The following LPAR3 variants were observed in gnomAD, a reference collection of about 807,000 sequenced individuals.
The protein encoded by LPAR3 is lysophosphatidic acid receptor 3, also known as LPA receptor 3.
A neutral mutation model predicts 17.8 loss-of-function variants in LPAR3; 7 were observed. That is an observed-to-expected ratio of 0.39 (90% confidence interval 0.22 to 0.74). The LOEUF is 0.74. LPAR3 is among the 30% of genes least tolerant of loss of function. The pLI is 0.40. For missense variants in LPAR3, 391 were observed against 453.4 expected (o/e 0.86, Z 1.25); for synonymous variants, 179 against 179.9 (o/e 0.99, Z 0.04).
intron 2 of LPAR3, among the ~76,000 whole-genome samples, chr1:84,830,541 CTT>C (rs143251036): frequency 0.016 from 2,471 of 152,298 alleles, 57 homozygotes; most frequent in African/African-American, 0.055. Context: ...CTCTTACACA[CTT>C]ATTGTCAAAT....
chr1:84,865,751 C>T lies in LPAR3; in HGVS notation c.370G>A (p.Ala124Thr), dbSNP rs762836142. Residue 124 changes from alanine to threonine, a missense_variant, in exon 2 of 3, where the codon GCC (alanine) becomes ACC (threonine). Ala to Thr is a moderately conservative substitution (Grantham distance 58). Transcript: ENST00000370611. ...TASLTNLLVI[A>T]VERHMSIMRM... ...ATGATTGACATGTGCCTCTCCACGG[C>T]GATAACCAGCAAGTTGGTGAGGGAA... 1.1e-5 allele frequency: 18 copies of T among 1,614,154 alleles called. No homozygotes were observed. The highest frequency in any genetic ancestry group is 1.6e-4 in the Middle Eastern group (1 of 6,062).
At chr1:84,858,109 C>T (rs1659862843) in intron 2 of LPAR3, among the ~76,000 whole-genome samples, 1 of 152,110 alleles carries the variant, frequency 6.6e-6, no homozygotes, top group Non-Finnish European at 1.5e-5. Context: ...TCAAAAAATG[C>T]TCATTTCTTT....
At chr1:84,830,556 G>T (rs1659263797) in intron 2 of LPAR3, among the ~76,000 whole-genome samples, 2 of 152,162 alleles carry the variant, frequency 1.3e-5, no homozygotes, top group Non-Finnish European at 1.5e-5. Context: ...TGTCAAATCA[G>T]ATACCATCAG....
rs1333669258 is a variant in LPAR3, at chr1:84,812,419, T to C, written c.*1427A>G. ...TACACATGTGTTCCCTGACATTCTC[T>C]AGTCTTTTTTTTTTTTTTTTTTTTT... On this transcript the variant is annotated 3_prime_UTR_variant, in exon 3 of 3. Coordinates refer to ENST00000370611, the MANE Select transcript of LPAR3 (RefSeq NM_012152.3). The C allele has an allele frequency of 1.4e-5, 2 of 141,548 alleles. No homozygotes were observed. The highest frequency in any genetic ancestry group is 5.3e-5 in the African/African-American group (2 of 38,034). 8.8% of individuals were successfully genotyped at this position (141,548 alleles called of 1,614,324 possible).
intron 1 of LPAR3, among the ~76,000 whole-genome samples, chr1:84,883,238 G>C (rs1162876072): frequency 2.0e-5 from 3 of 152,212 alleles, no homozygotes; most frequent in Non-Finnish European, 2.9e-5. Context: ...TTCCCAAAAG[G>C]CTGGGGAAAA....
At chr1:84,853,607 G>T (rs566798385) in intron 2 of LPAR3, among the ~76,000 whole-genome samples, 27 of 152,192 alleles carry the variant, frequency 1.8e-4, no homozygotes, top group African/African-American at 6.3e-4. Context: ...CTGCAGCCCC[G>T]ATGGGCCTTC....
chr1:84,883,247 A>G (rs572145761), intron 1 of LPAR3, among the ~76,000 whole-genome samples: 26 of 152,346 alleles, frequency 1.7e-4, no homozygotes, highest in Admixed American at 8.5e-4. Flanking sequence ...GGCTGGGGAA[A>G]AGGGACCCCA....
chr1:84,884,969 T>C (rs780012614), intron 1 of LPAR3, among the ~76,000 whole-genome samples: 3 of 152,192 alleles, frequency 2.0e-5, no homozygotes, highest in Non-Finnish European at 2.9e-5. Flanking sequence ...CTGTTCAGCA[T>C]ATGTACGTCA....
chr1:84,841,017 C>T (rs4265444), intron 2 of LPAR3, among the ~76,000 whole-genome samples: 1 of 152,216 alleles, frequency 6.6e-6, no homozygotes, highest in African/African-American at 2.4e-5. Flanking sequence ...ATCCTCATGT[C>T]TACAACATAT....
chr1:84,854,214 C>T, intron 2 of LPAR3, among the ~76,000 whole-genome samples: 1 of 152,140 alleles, frequency 6.6e-6, no homozygotes, highest in East Asian at 1.9e-4. Flanking sequence ...GGCATGGCCT[C>T]CCTAGACATA....
intron 1 of LPAR3, among the ~76,000 whole-genome samples, chr1:84,871,567 A>AGACCAGT (rs1388341371): frequency 3.7e-4 from 57 of 152,314 alleles, no homozygotes; most frequent in African/African-American, 1.3e-3. Flanking sequence ...TCACAAATGT[A>AGACCAGT]GACCAGTCCT....
At chr1:84,852,514 G>A (rs931202324) in intron 2 of LPAR3, among the ~76,000 whole-genome samples, 2 of 152,168 alleles carry the variant, frequency 1.3e-5, no homozygotes, top group African/African-American at 2.4e-5. Flanking sequence ...GGTAGAGCAG[G>A]TCTGCAGGGC....
At chr1:84,868,431 C>T (rs913154360) in intron 1 of LPAR3, among the ~76,000 whole-genome samples, 1 of 152,148 alleles carries the variant, frequency 6.6e-6, no homozygotes, top group African/African-American at 2.4e-5. Flanking sequence ...ATTTTTAATT[C>T]TACCAGCAGC....
intron 2 of LPAR3, among the ~76,000 whole-genome samples, chr1:84,839,487 A>C (rs1235394139): frequency 6.6e-6 from 1 of 152,128 alleles, no homozygotes; most frequent in African/African-American, 2.4e-5. Context: ...CAGCCTGGGA[A>C]ACATAATGAG....
At chr1:84,880,226 A>T (rs1245216457) in intron 1 of LPAR3, among the ~76,000 whole-genome samples, 1 of 152,200 alleles carries the variant, frequency 6.6e-6, no homozygotes, top group East Asian at 1.9e-4. Context: ...GCTACTCGGG[A>T]GGCTGAGGCA....
At chr1:84,827,833 C>T (rs1038489378) in intron 2 of LPAR3, among the ~76,000 whole-genome samples, 6 of 152,072 alleles carry the variant, frequency 3.9e-5, no homozygotes, top group Non-Finnish European at 8.8e-5. Flanking sequence ...GGTGTAGGTG[C>T]TAAAAGATTG....
At chr1:84,815,238 G>A (rs1658910168) in intron 2 of LPAR3, among the ~76,000 whole-genome samples, 1 of 152,060 alleles carries the variant, frequency 6.6e-6, no homozygotes, top group South Asian at 2.1e-4. Context: ...CTGTGCCCTG[G>A]GCCACTATAT....
chr1:84,856,033 C>G (rs1659813106), intron 2 of LPAR3, among the ~76,000 whole-genome samples: 1 of 152,160 alleles, frequency 6.6e-6, no homozygotes, highest in Admixed American at 6.5e-5. Context: ...CCCGTCAGAA[C>G]AGGAAGGGAT....
intron 1 of LPAR3, among the ~76,000 whole-genome samples, chr1:84,869,482 T>C (rs904930517): frequency 6.6e-6 from 1 of 152,218 alleles, no homozygotes; most frequent in Admixed American, 6.5e-5. Context: ...TACTATACAG[T>C]CCATGAAAAA....
Sources: gnomAD v4.1 joint callset for allele counts (sites outside exome capture counted in the v4.1 genomes callset) on GRCh38, gnomAD v4.1.1 for gene constraint, MANE v1.5 for transcripts, NCBI Gene and HGNC (gene_info 2026-07-23, HGNC 2026-07-21) for gene names.